RELN: variants seen among roughly 807,000 people sequenced by gnomAD.
The protein encoded by RELN is reelin.
A neutral mutation model predicts 427.6 loss-of-function variants in RELN; 108 were observed. That is an observed-to-expected ratio of 0.25 (90% CI 0.22 to 0.30). The LOEUF is 0.30. Ranked by LOEUF, RELN falls within the 10% of genes least tolerant of loss-of-function variation. The probability of loss-of-function intolerance (pLI) is 1.00; values close to 1 mark genes in which losing one functional copy is unlikely to be tolerated. For missense variants in RELN, 3,715 were observed against 4,302.8 expected, an observed-to-expected ratio of 0.86 and a Z score of 3.82; for synonymous variants, 1,524 against 1,513.4, an observed-to-expected ratio of 1.01 and a Z score of -0.16.
At position 103,578,653 on chromosome 7, in the gene RELN, C is replaced by T. The variant is rs362652; in HGVS notation, c.4146-2948G>A. On this transcript the variant is annotated intron_variant, in intron 28 of 64. Coordinates refer to ENST00000428762, the MANE Select transcript of RELN (RefSeq NM_005045.4). ...TTGGGATTGAACACAATTGATTTAG[C>T]AACCTCAGGGTTTCTGGAATAGGAG... Among the ~76,000 whole-genome samples, 661 of 152,292 alleles carry T rather than the reference C, an allele frequency of 4.3e-3. 12 individuals carry two copies. Among genetic ancestry groups the T allele is most frequent in the Admixed American group, 0.04 (615 of 15,288 alleles).
intron 1 of RELN, among the ~76,000 whole-genome samples, chr7:103,930,750 G>A (rs999042567): frequency 2.0e-5 from 3 of 152,092 alleles, no homozygotes; most frequent in Non-Finnish European, 4.4e-5. Flanking sequence ...TTATAGGCAT[G>A]AGCCACCGTG....
intron 2 of RELN, among the ~76,000 whole-genome samples, chr7:103,887,877 A>G: frequency 6.6e-6 from 1 of 152,284 alleles, no homozygotes; most frequent in South Asian, 2.1e-4. Context: ...GAAGAGTTCT[A>G]GGAAGAACAT....
chr7:103,917,011 T>G, intron 2 of RELN, 64 bp downstream of exon 2: 4 of 1,173,314 alleles, frequency 3.4e-6, no homozygotes, highest in Non-Finnish European at 3.9e-6. Flanking sequence ...ACAGATACTT[T>G]AAAACATAAG....
At position 103,539,169 on chromosome 7, in the gene RELN, A is replaced by T; in HGVS notation, c.7089T>A (p.Arg2363=). 1 of 1,614,220 alleles carries T rather than the reference A, an allele frequency of 6.2e-7. No homozygotes were observed. The highest frequency in any genetic ancestry group is 1.1e-5 in the South Asian group (1 of 91,078). Residue 2363 remains arginine (R), a synonymous_variant, in exon 45 of 65, where the codon CGT becomes CGA. Coordinates refer to ENST00000428762, the MANE Select transcript of RELN (RefSeq NM_005045.4). ...ALVFIEKAST[R]YVVSTDVAVN... ...CGGCAACGTCTGTGCTGACCACGTAACGGGTGCTGGCCTTTTCAATGAAGA... is the reference window on the plus strand; with the variant it reads ...CGGCAACGTCTGTGCTGACCACGTATCGGGTGCTGGCCTTTTCAATGAAGA...
intron 3 of RELN, among the ~76,000 whole-genome samples, chr7:103,786,469 T>C (rs1343264754): frequency 1.2e-4 from 14 of 116,808 alleles, no homozygotes. Context: ...AAGACACACA[T>C]AGGCCCAAAA....
chr7:103,867,175 A>G (rs1794219876), intron 2 of RELN, among the ~76,000 whole-genome samples: 1 of 152,052 alleles, frequency 6.6e-6, no homozygotes, highest in Non-Finnish European at 1.5e-5. Flanking sequence ...TTAACTAAAC[A>G]TTTCTGTGTG....
In RELN at chr7:103,498,450, A is replaced by G. The variant is rs558840255; in HGVS notation, c.8668-198T>C. The stretch of plus-strand genomic sequence containing the variant: ...TGAAAATCATTTAAACTGCTCAAAT[A>G]ATGTTTAATAATTGAAATTTAAAAT... On this transcript the variant is annotated intron_variant, in intron 53 of 64. Transcript: ENST00000428762. Among the ~76,000 whole-genome samples, 116 of 152,198 alleles carry G rather than the reference A, an allele frequency of 7.6e-4. 2 individuals carry two copies. In the South Asian group the frequency reaches 0.023, roughly 30 times the overall value.
At chr7:103,897,311 C>T (rs1794982901) in intron 2 of RELN, among the ~76,000 whole-genome samples, 1 of 152,084 alleles carries the variant, frequency 6.6e-6, no homozygotes, top group Non-Finnish European at 1.5e-5. Flanking sequence ...CAATTTCTTT[C>T]ATCAAAGTTG....
At chr7:103,903,300 T>C (rs1187469395) in intron 2 of RELN, among the ~76,000 whole-genome samples, 3 of 151,904 alleles carry the variant, frequency 2.0e-5, no homozygotes, top group African/African-American at 4.8e-5. Flanking sequence ...TCAATTCGTA[T>C]TTAAGAAAGA....
Position 103,545,648 on chromosome 7 carries a change from A to AT in RELN, c.6303-305dup, listed in dbSNP as rs199794964. On this transcript the variant is annotated intron_variant, in intron 41 of 64. Transcript: ENST00000428762. ...TTCTCCATCCTTACTATTTTGTTTT[A>AT]TTTTTTTTTTTGAGACAGAGTCTCA... Among the ~76,000 whole-genome samples, 10,458 of 146,716 alleles carry AT rather than the reference A, an allele frequency of 0.071. 495 individuals are homozygous for AT. The highest frequency in any genetic ancestry group is 0.25 in the East Asian group (1,255 of 5,016).
intron 43 of RELN, among the ~76,000 whole-genome samples, chr7:103,540,963 C>A (rs1414543043): frequency 6.6e-6 from 1 of 152,188 alleles, no homozygotes. Context: ...TTGGGAGGCA[C>A]ATTTAAATTC....
intron 1 of RELN, among the ~76,000 whole-genome samples, chr7:103,962,832 T>A (rs1026435390): frequency 3.9e-5 from 6 of 152,208 alleles, no homozygotes; most frequent in African/African-American, 1.4e-4. Flanking sequence ...TACAGCTTCA[T>A]AATTAAGAAA....
intron 46 of RELN, among the ~76,000 whole-genome samples, chr7:103,531,713 C>T (rs1424529509): frequency 6.6e-6 from 1 of 152,144 alleles, no homozygotes; most frequent in Non-Finnish European, 1.5e-5. Context: ...CTACTCTTAT[C>T]CTCTCCTATT....
chr7:103,925,873 C>T (rs1373623586), intron 1 of RELN, among the ~76,000 whole-genome samples: 1 of 151,982 alleles, frequency 6.6e-6, no homozygotes, highest in Non-Finnish European at 1.5e-5. Flanking sequence ...ACACGGATGC[C>T]TAGAGAACAA....
At position 103,752,477 on chromosome 7, in the gene RELN, A is replaced by G. The variant is rs775373627; in HGVS notation, c.577+705T>C. ...CAGGTTGGAGGACAGTGTCACAATCATAGCTTGCTGCAGCCTTGAAATCCT... is the reference window on the plus strand; with the variant it reads ...CAGGTTGGAGGACAGTGTCACAATCGTAGCTTGCTGCAGCCTTGAAATCCT... On this transcript the variant is annotated intron_variant, in intron 5 of 64. Transcript: ENST00000428762. Among the ~76,000 whole-genome samples, 169 of 152,132 alleles carry G rather than the reference A, an allele frequency of 1.1e-3. 1 individual carries two copies. Among genetic ancestry groups the G allele is most frequent in the Middle Eastern group, 6.8e-3 (2 of 294 alleles).
intron 2 of RELN, among the ~76,000 whole-genome samples, chr7:103,900,500 G>A (rs1380011807): frequency 6.6e-6 from 1 of 151,888 alleles, no homozygotes; most frequent in Non-Finnish European, 1.5e-5. Flanking sequence ...GACAATCCTG[G>A]GCAAGAAAAA....
At position 103,483,050 on chromosome 7, in the gene RELN, T is replaced by C. The variant is rs541490886; in HGVS notation, c.10182-79A>G. 4 of 1,068,192 alleles carry C rather than the reference T, an allele frequency of 3.7e-6. No homozygotes were observed. In the South Asian group the frequency reaches 5.0e-5, roughly 13 times the overall value. 66.2% of individuals were successfully genotyped at this position (1,068,192 alleles called of 1,614,324 possible). A position where few individuals can be genotyped will look rare whatever the true frequency, so the allele number is the denominator to read the frequency against. ...TGGTATTTGACTTCTAGATGTCAAA[T>C]ATTATAATAGGCTAATCTAAATCAA... On this transcript the variant is annotated intron_variant, in intron 62 of 64. Transcript: ENST00000428762.
At chr7:103,866,175 G>A (rs537112597) in intron 2 of RELN, among the ~76,000 whole-genome samples, 1 of 152,152 alleles carries the variant, frequency 6.6e-6, no homozygotes, top group South Asian at 2.1e-4. Context: ...AATAGTTTCT[G>A]TCTTTGAACT....
At chr7:103,755,860 G>A (rs1358476734) in intron 4 of RELN, among the ~76,000 whole-genome samples, 1 of 147,746 alleles carries the variant, frequency 6.8e-6, no homozygotes, top group Non-Finnish European at 1.5e-5. Context: ...CATGCCTAAC[G>A]TTAGCTATAT....
Sources: gnomAD v4.1 joint callset for allele counts (sites outside exome capture counted in the v4.1 genomes callset) on GRCh38, gnomAD v4.1.1 for gene constraint, MANE v1.5 for transcripts, NCBI Gene and HGNC (gene_info 2026-07-23, HGNC 2026-07-21) for gene names.